WDFY4: variants seen among roughly 807,000 people sequenced by gnomAD.
WDFY4 encodes WD repeat- and FYVE domain-containing protein 4.
WDFY4 carries 169 observed loss-of-function variants against 351.9 expected under a neutral mutation model. The ratio of observed to expected loss-of-function variants is 0.48; its 90% CI spans 0.42 to 0.55. WDFY4 has a LOEUF of 0.55. WDFY4 is among the 20% of genes least tolerant of loss of function. The pLI, the probability that WDFY4 is intolerant of heterozygous loss-of-function variation, is 0.00. For missense variants in WDFY4, 3,803 were observed against 3,935.6 expected (o/e 0.97, Z 0.90); for synonymous variants, 1,622 against 1,574.6 (o/e 1.03, Z -0.71).
chr10:48,976,835 G>T lies in WDFY4; in HGVS notation c.9147G>T (p.Leu3049=). 2 of 1,516,430 alleles carry T rather than the reference G, an allele frequency of 1.3e-6. No homozygotes were observed. The highest frequency in any genetic ancestry group is 1.8e-6 in the Non-Finnish European group (2 of 1,127,712). The allele number at this position is 1,516,430 out of a possible 1,614,324, so 93.9% of individuals were successfully genotyped here. ...CCTGTGCGGGAGCACACTTGTCCCT[G>T]TGGAATGTCAATGGACAGCCCCTGG... ...IVSCAGAHLS[L]WNVNGQPLAS... is the part of the protein sequence containing the mutation. Residue 3049 remains leucine, a synonymous_variant, in exon 59 of 62, where the codon CTG becomes CTT. Coordinates refer to ENST00000325239, the MANE Select transcript of WDFY4 (RefSeq NM_001394531.1).
intron 47 of WDFY4, among the ~76,000 whole-genome samples, chr10:48,936,674 A>G (rs1228517743): frequency 1.5e-4 from 23 of 151,592 alleles, no homozygotes; most frequent in Non-Finnish European, 2.9e-5. Flanking sequence ...CGTCTCTACT[A>G]AAAATACAAA....
At chr10:48,742,853 T>C (rs1589502140) in intron 11 of WDFY4, 115 bp from the exon 12 acceptor site, 1 of 924,282 alleles carries the variant, frequency 1.1e-6, no homozygotes, top group Non-Finnish European at 1.6e-6. Context: ...CTGTAACTTG[T>C]TGGCCTGAAG....
chr10:48,889,216 G>A (rs911233560), intron 43 of WDFY4, among the ~76,000 whole-genome samples: 1 of 152,238 alleles, frequency 6.6e-6, no homozygotes, highest in Admixed American at 6.5e-5. Context: ...GCTCTCGGCT[G>A]GTCCTAGCTT....
chr10:48,832,895 T>A (rs2068241549), intron 39 of WDFY4, among the ~76,000 whole-genome samples, 186 bp downstream of exon 39: 1 of 152,174 alleles, frequency 6.6e-6, no homozygotes, highest in South Asian at 2.1e-4. Flanking sequence ...GGCTCCTTGT[T>A]CCCATTCTCA....
At chr10:48,975,166 T>A in intron 58 of WDFY4, 125 bp downstream of exon 58, 1 of 1,280,606 alleles carries the variant, frequency 7.8e-7, no homozygotes, top group Non-Finnish European at 1.1e-6. Flanking sequence ...GGCCCCCAAT[T>A]GTGTGGAACA....
chr10:48,741,683 C>T (rs992121614), intron 11 of WDFY4, among the ~76,000 whole-genome samples: 2 of 152,144 alleles, frequency 1.3e-5, no homozygotes, highest in African/African-American at 4.8e-5. Context: ...ATCACCCCTC[C>T]CCCAGATAGG....
intron 47 of WDFY4, among the ~76,000 whole-genome samples, chr10:48,907,112 A>T (rs765269070): frequency 3.3e-5 from 5 of 152,210 alleles, no homozygotes; most frequent in Admixed American, 1.3e-4. Flanking sequence ...TGGGAGCCTA[A>T]CATTCGCACT....
intron 7 of WDFY4, among the ~76,000 whole-genome samples, chr10:48,728,934 T>G (rs571513898): frequency 7.9e-5 from 12 of 152,310 alleles, no homozygotes; most frequent in African/African-American, 2.9e-4. Flanking sequence ...GAACTTTTCC[T>G]CTGGAAATGG....
At chr10:48,828,513 A>C (rs1163983206) in intron 36 of WDFY4, among the ~76,000 whole-genome samples, 1 of 152,178 alleles carries the variant, frequency 6.6e-6, no homozygotes, top group East Asian at 1.9e-4. Flanking sequence ...AGGAGTGGGC[A>C]CAGGGGGACT....
At position 48,774,908 on chromosome 10, in the gene WDFY4, C is replaced by T. The variant is rs544681775; in HGVS notation, c.2768+236C>T. Among the ~76,000 whole-genome samples the T allele has an allele frequency of 3.9e-5, 6 of 152,186 alleles. No individual in the cohort carries two copies. In the South Asian group the frequency reaches 1.2e-3, roughly 32 times the overall value. On this transcript the variant is annotated intron_variant, in intron 14 of 61. Transcript: ENST00000325239. ...GATCACGTGGGGGCTGGAGGGGGCT[C>T]CAAGGAAGTGGAGCTGCATTCCGAG...
intron 43 of WDFY4, among the ~76,000 whole-genome samples, chr10:48,887,860 G>T (rs376381378): frequency 3.9e-4 from 59 of 152,160 alleles, no homozygotes; most frequent in African/African-American, 1.3e-3. Flanking sequence ...TTGTAGCATT[G>T]CCTGTTATGT....
intron 47 of WDFY4, among the ~76,000 whole-genome samples, chr10:48,919,375 G>T (rs545397637): frequency 6.6e-6 from 1 of 152,278 alleles, no homozygotes; most frequent in South Asian, 2.1e-4. Context: ...ATTTATTGAA[G>T]AAATGGAATT....
rs2066619827 is a variant in WDFY4, at chr10:48,789,860, G to C, written c.3955-14G>C. ...CAGGACTTTCTTAGGACTAATTGCTGCTCATTTCTCTAGATGAACATTTCA... is the reference window on the plus strand; with the variant it reads ...CAGGACTTTCTTAGGACTAATTGCTCCTCATTTCTCTAGATGAACATTTCA... On this transcript the variant is annotated splice_polypyrimidine_tract_variant and intron_variant, in intron 21 of 61. Transcript: ENST00000325239. 8 of 1,552,112 alleles carry C rather than the reference G, an allele frequency of 5.2e-6. No individual in the cohort carries two copies. The East Asian group carries it at 2.0e-4, about 38-fold the overall frequency.
At chr10:48,762,013 C>G (rs772634557) in intron 13 of WDFY4, among the ~76,000 whole-genome samples, 1 of 152,160 alleles carries the variant, frequency 6.6e-6, no homozygotes, top group Admixed American at 6.5e-5. Flanking sequence ...CCTGGTCTTC[C>G]CTATACATAG....
intron 35 of WDFY4, 69 bp downstream of exon 35, chr10:48,822,606 G>A: frequency 7.2e-7 from 1 of 1,385,524 alleles, no homozygotes; most frequent in Non-Finnish European, 9.4e-7. Context: ...TTGTCCAGTT[G>A]GTTCCACTGG....
rs114602132 is a variant in WDFY4, at chr10:48,853,770, C to T, written c.6664-13495C>T. Among the ~76,000 whole-genome samples the T allele has an allele frequency of 2.5e-3, 388 of 152,364 alleles. 5 individuals carry two copies. The highest frequency in any genetic ancestry group is 8.5e-3 in the African/African-American group (355 of 41,580). On this transcript the variant is annotated intron_variant, in intron 39 of 61. Transcript: ENST00000325239. ...CATACCAGTCCCCTCTTCTGTAAGCCTCTCTCACTGTACCTGTGTCACTGT... is the reference window on the plus strand; with the variant it reads ...CATACCAGTCCCCTCTTCTGTAAGCTTCTCTCACTGTACCTGTGTCACTGT...
intron 24 of WDFY4, among the ~76,000 whole-genome samples, chr10:48,802,260 T>C (rs1438290521): frequency 6.6e-6 from 1 of 152,160 alleles, no homozygotes; most frequent in Admixed American, 6.5e-5. Flanking sequence ...CCTGTAGTTC[T>C]AACTACTTGC....
Position 48,809,295 on chromosome 10 carries a change from CCACCATCATCACCAT to C in WDFY4, c.4839-1215_4839-1201del, listed in dbSNP as rs1188133246. Among the ~76,000 whole-genome samples, 18 of 150,444 alleles carry C rather than the reference CCACCATCATCACCAT, an allele frequency of 1.2e-4. 1 individual carries two copies. The South Asian group carries it at 2.3e-3, about 20-fold the overall frequency. On this transcript the variant is annotated intron_variant, in intron 28 of 61. Coordinates refer to ENST00000325239, the MANE Select transcript of WDFY4 (RefSeq NM_001394531.1). ...ATCACCACAACATTAATCGCCATCACCACCATCATCACCATCACCATCATCACCATCACCCTCACC... is the reference window on the plus strand; with the variant it reads ...ATCACCACAACATTAATCGCCATCACCACCATCATCACCATCACCCTCACC...
intron 47 of WDFY4, among the ~76,000 whole-genome samples, chr10:48,906,727 C>T (rs1837634641): frequency 6.6e-6 from 1 of 152,168 alleles, no homozygotes; most frequent in Non-Finnish European, 1.5e-5. Flanking sequence ...GTACTCATGC[C>T]CTTCCAGAAA....
Sources: gnomAD v4.1 joint callset for allele counts (sites outside exome capture counted in the v4.1 genomes callset) on GRCh38, gnomAD v4.1.1 for gene constraint, MANE v1.5 for transcripts, NCBI Gene and HGNC (gene_info 2026-07-23, HGNC 2026-07-21) for gene names.